Variants in ZGRF1 observed in about 807,000 individuals in gnomAD.
ZGRF1 encodes the protein 5'-3' DNA helicase ZGRF1.
In ZGRF1, 196 loss-of-function variants were observed where a neutral mutation model predicts 203.5. The ratio of observed to expected loss-of-function variants is 0.96; its 90% CI spans 0.86 to 1.08. The LOEUF is 1.08. Ranked by LOEUF, ZGRF1 falls within the 50% of genes least tolerant of loss-of-function variation. ZGRF1 has a pLI of 0.00. For synonymous variants in ZGRF1, 809 were observed against 841.3 expected (o/e 0.96, Z 0.66); for missense variants, 2,326 against 2,416.3 (o/e 0.96, Z 0.78).
chr4:112,633,612 C>A (rs1460712026), intron 1 of ZGRF1, among the ~76,000 whole-genome samples: 2 of 152,200 alleles, frequency 1.3e-5, no homozygotes, highest in Non-Finnish European at 2.9e-5. Flanking sequence ...CACAAGATGG[C>A]CCCCTTGTGT....
intron 10 of ZGRF1, among the ~76,000 whole-genome samples, chr4:112,599,018 T>TCC (rs1393325328): frequency 6.6e-6 from 1 of 152,116 alleles, no homozygotes; most frequent in African/African-American, 2.4e-5. Context: ...GCCACTGCAC[T>TCC]CCAGCTTGGG....
In ZGRF1 at chr4:112,587,742, C is replaced by T. The variant is rs1329083349; in HGVS notation, c.3315G>A (p.Lys1105=). The T allele has an allele frequency of 6.4e-7, 1 of 1,564,068 alleles. No homozygotes were observed. The highest frequency in any genetic ancestry group is 1.9e-5 in the Admixed American group (1 of 51,542). The change falls in exon 12 of 28, where the codon AAG becomes AAA. Residue 1105 remains lysine (K), a synonymous_variant. Coordinates refer to ENST00000505019, the MANE Select transcript of ZGRF1 (RefSeq NM_018392.5). ...CAATGCTAAACGAAAGAACTGCTGA[C>T]TTTTCACACAAATTGAGCATGGGGG... The part of the protein sequence containing the change: ...SGSPMLNLCE[K]SAVLSFSIEP...
At chr4:112,556,609 G>A (rs1740986105) in intron 20 of ZGRF1, among the ~76,000 whole-genome samples, 1 of 152,088 alleles carries the variant, frequency 6.6e-6, no homozygotes, top group Non-Finnish European at 1.5e-5. Context: ...GGCCAGGCTA[G>A]TCTTGAACTC....
rs2046976308 is a variant in ZGRF1, at chr4:112,618,951, T to C, written c.1091A>G (p.Lys364Arg). Residue 364 changes from lysine (K) to arginine (R), a missense_variant, in exon 6 of 28, where the codon AAA (lysine) becomes AGA (arginine). Transcript: ENST00000505019. ...AQEDDVNSNL[K>R]DLSLQKIIQF... is the part of the protein sequence containing the mutation. The stretch of plus-strand genomic sequence containing the variant: ...TATAATTTTTTGTAATGAAAGGTCT[T>C]TCAAATTAGAATTTACATCATCTTC... The C allele has an allele frequency of 3.1e-6, 5 of 1,613,678 alleles. No homozygotes were observed. In the East Asian group the frequency reaches 1.1e-4, roughly 36 times the overall value.
chr4:112,550,339 T>TA (rs1201086503), intron 22 of ZGRF1, among the ~76,000 whole-genome samples: 4 of 151,714 alleles, frequency 2.6e-5, no homozygotes, highest in East Asian at 1.9e-4. Flanking sequence ...GTTTTAAAGG[T>TA]AAAAAAAGAA....
chr4:112,608,385 G>A (rs532576992), intron 8 of ZGRF1, among the ~76,000 whole-genome samples: 14 of 152,268 alleles, frequency 9.2e-5, no homozygotes, highest in South Asian at 4.1e-4. Flanking sequence ...TTGGGAGGCC[G>A]AGGCAGGCGG....
intron 14 of ZGRF1, among the ~76,000 whole-genome samples, chr4:112,584,992 T>C (rs1394004296): frequency 1.3e-5 from 2 of 152,250 alleles, no homozygotes; most frequent in Non-Finnish European, 2.9e-5. Flanking sequence ...GTTTCAACCT[T>C]CATTTCTTTC....
chr4:112,571,418 A>G (rs1212321180), intron 16 of ZGRF1, among the ~76,000 whole-genome samples: 1 of 152,242 alleles, frequency 6.6e-6, no homozygotes, highest in Non-Finnish European at 1.5e-5. Context: ...ATACAATGGT[A>G]TCAGAGAATA....
rs1424619536 is a variant in ZGRF1 at position 112,618,053 on chromosome 4, A to G, written c.1989T>C (p.Asn663=). 1.2e-6 allele frequency: 2 copies of G among 1,613,482 alleles called. No homozygotes were observed. Among genetic ancestry groups the G allele is most frequent in the Non-Finnish European group, 1.7e-6 (2 of 1,179,846 alleles). ...AVYGDNKEDA[N]KPIQEVRINY... ...TAATTCTGACTTCTTGAATAGGTTT[A>G]TTAGCATCTTCTTTATTATCTCCGT... The change falls in exon 6 of 28, where the codon AAT becomes AAC. Residue 663 remains asparagine (N), a synonymous_variant. Transcript: ENST00000505019.
chr4:112,630,472 T>C (rs888094404), intron 3 of ZGRF1, among the ~76,000 whole-genome samples: 5 of 151,910 alleles, frequency 3.3e-5, no homozygotes, highest in Non-Finnish European at 4.4e-5. Flanking sequence ...GAGCCGAGAT[T>C]GTGCCACTGC....
rs1408622994 is a variant in ZGRF1 at position 112,617,934 on chromosome 4, TTAC to T, written c.2105_2107del (p.Ser702del). ...AGGTTGAGCATCTTCTGAAAATAGA[TTAC>T]TGTTTTCAGCAATCTGGTTTTGAAT... On this transcript the variant is annotated inframe_deletion, in exon 6 of 28. Coordinates refer to ENST00000505019, the MANE Select transcript of ZGRF1 (RefSeq NM_018392.5). 5.0e-6 allele frequency: 8 copies of T among 1,613,288 alleles called. No homozygotes were observed. The highest frequency in any genetic ancestry group is 1.3e-5 in the African/African-American group (1 of 74,928).
intron 22 of ZGRF1, among the ~76,000 whole-genome samples, chr4:112,550,239 G>A (rs1739679988): frequency 1.3e-5 from 2 of 151,694 alleles, no homozygotes; most frequent in Admixed American, 6.6e-5. Flanking sequence ...AGATGTAGAG[G>A]TGGAAGACAG....
At chr4:112,594,878 T>G (rs1748735334) in intron 10 of ZGRF1, among the ~76,000 whole-genome samples, 1 of 152,242 alleles carries the variant, frequency 6.6e-6, no homozygotes, top group African/African-American at 2.4e-5. Flanking sequence ...TCCTGTCATA[T>G]TTCAAAGATC....
At chr4:112,623,305 C>T (rs1447492636) in intron 4 of ZGRF1, among the ~76,000 whole-genome samples, 2 of 152,116 alleles carry the variant, frequency 1.3e-5, no homozygotes, top group Non-Finnish European at 2.9e-5. Context: ...GTGAATAGTG[C>T]TACAATGAAC....
At chr4:112,625,941 G>A (rs1002432669) in intron 3 of ZGRF1, among the ~76,000 whole-genome samples, 4 of 151,580 alleles carry the variant, frequency 2.6e-5, no homozygotes, top group African/African-American at 4.8e-5. Context: ...AAATATATAT[G>A]AAGATACATG....
chr4:112,565,813 G>A (rs11926383), intron 16 of ZGRF1, among the ~76,000 whole-genome samples: 1 of 152,268 alleles, frequency 6.6e-6, no homozygotes. Flanking sequence ...TCTCACACCA[G>A]TTAGAATGGC....
At chr4:112,621,702 T>C (rs2047065533) in intron 4 of ZGRF1, among the ~76,000 whole-genome samples, 1 of 149,084 alleles carries the variant, frequency 6.7e-6, no homozygotes, top group Non-Finnish European at 1.5e-5. Context: ...ACAAACTCTA[T>C]ATCAGATTAA....
At chr4:112,630,886 CAAA>C (rs755413043) in intron 3 of ZGRF1, among the ~76,000 whole-genome samples, 8 of 103,236 alleles carry the variant, frequency 7.7e-5, no homozygotes, top group Non-Finnish European at 1.0e-4. Flanking sequence ...GATTCTGGCT[CAAA>C]AAAAAAAAAA....
At position 112,617,530 on chromosome 4, in the gene ZGRF1, C is replaced by T; in HGVS notation, c.2512G>A (p.Ala838Thr). The T allele has an allele frequency of 6.2e-7, 1 of 1,612,770 alleles. No homozygotes were observed. Among genetic ancestry groups the T allele is most frequent in the Non-Finnish European group, 8.5e-7 (1 of 1,179,662 alleles). Residue 838 changes from alanine to threonine, a missense_variant, in exon 6 of 28, where the codon GCT becomes ACT. By Grantham distance (58) the Ala-to-Thr change is moderately conservative (BLOSUM62 0). Coordinates refer to ENST00000505019, the MANE Select transcript of ZGRF1 (RefSeq NM_018392.5). The stretch of plus-strand genomic sequence containing the variant: ...TTCAATATTTCCAAGCTGTCTAAAG[C>T]AGTACTGTGTTCACATAGCGACTTT... ...ILKSLCEHSTALDSLEILKKK... is the reference protein window; with the variant it reads ...ILKSLCEHSTTLDSLEILKKK...
Sources: gnomAD v4.1 joint callset for allele counts (sites outside exome capture counted in the v4.1 genomes callset) on GRCh38, gnomAD v4.1.1 for gene constraint, MANE v1.5 for transcripts, NCBI Gene and HGNC (gene_info 2026-07-23, HGNC 2026-07-21) for gene names.